SNCG: variants seen among roughly 807,000 people sequenced by gnomAD.
SNCG encodes the protein synuclein gamma.
In SNCG, 13 loss-of-function variants were observed where a neutral mutation model predicts 16.0. The observed-to-expected ratio is 0.81, with a 90% CI of 0.53 to 1.29. SNCG has a LOEUF of 1.29. Among genes scored for constraint, SNCG ranks in the 50% most tolerant of loss-of-function variants. SNCG has a pLI of 0.00. For missense variants in SNCG, 154 were observed against 168.5 expected (o/e 0.91, Z 0.48); for synonymous variants, 66 against 66.3 (o/e 1.00, Z 0.02).
rs777568467 is a variant in SNCG, at chr10:86,960,193, C to T, written c.291+65C>T. ...GCCCAGAAAGGCTGCTGGGCGGAGG[C>T]GGCATCACTCCACTCCACACCCCAG... is the stretch of plus-strand genomic sequence containing the variant. On this transcript the variant is annotated intron_variant, in intron 3 of 4. Transcript: ENST00000372017. 5.6e-5 allele frequency: 83 copies of T among 1,486,434 alleles called. No homozygotes were observed. The East Asian group carries it at 9.4e-4, about 17-fold the overall frequency. The allele number at this position is 1,486,434 out of a possible 1,614,324, so 92.1% of individuals were successfully genotyped here. A position where few individuals can be genotyped will look rare whatever the true frequency, so the allele number is the denominator to read the frequency against.
At position 86,959,765 on chromosome 10, in the gene SNCG, C is replaced by A; in HGVS notation, c.163+91C>A. On this transcript the variant is annotated intron_variant, in intron 2 of 4. Coordinates refer to ENST00000372017, the MANE Select transcript of SNCG (RefSeq NM_003087.3). This position sits in a 1 kb window ranked among gnomAD's most constrained non-coding sequence, Gnocchi z 4.3. The stretch of plus-strand genomic sequence containing the variant: ...CTGGGGCTCAAACCTAGAGTCCTGC[C>A]TTACCCCCAACTGGGGTCCCAAGCC... 7.3e-7 allele frequency: 1 copy of A among 1,367,074 alleles called. No individual in the cohort carries two copies. The highest frequency in any genetic ancestry group is 1.0e-6 in the Non-Finnish European group (1 of 1,003,724). 84.7% of individuals were successfully genotyped at this position (1,367,074 alleles called of 1,614,324 possible). A position where few individuals can be genotyped will look rare whatever the true frequency, so the allele number is the denominator to read the frequency against.
At chr10:86,960,492 A>G (rs1349654432) in intron 3 of SNCG, among the ~76,000 whole-genome samples, 8 of 152,136 alleles carry the variant, frequency 5.3e-5, no homozygotes, top group Admixed American at 3.3e-4. Context: ...AGTGGTCACC[A>G]GGCCGGGGGC....
chr10:86,958,892 A>T (rs1182709985), intron 1 of SNCG, 74 bp downstream of exon 1: 1 of 1,491,088 alleles, frequency 6.7e-7, no homozygotes, highest in Non-Finnish European at 9.1e-7. Context: ...GCCAGACCTT[A>T]CTCCCCAGCC....
intron 1 of SNCG, 54 bp downstream of exon 1, chr10:86,958,872 A>C: frequency 6.5e-7 from 1 of 1,543,246 alleles, no homozygotes; most frequent in Admixed American, 1.8e-5. Context: ...GTGAGTGCCC[A>C]GTTACCTTCG....
upstream of SNCG, among the ~76,000 whole-genome samples, chr10:86,956,004 G>C (rs1385034269): frequency 6.6e-6 from 1 of 152,130 alleles, no homozygotes; most frequent in Non-Finnish European, 1.5e-5. Context: ...AAGAGGAGCA[G>C]CTCCCTCCTC....
chr10:86,960,235 C>T lies in SNCG; in HGVS notation c.291+107C>T. The T allele has an allele frequency of 4.5e-6, 5 of 1,117,626 alleles. 1 individual carries two copies. The South Asian group carries it at 6.3e-5, about 14-fold the overall frequency. 69.2% of individuals were successfully genotyped at this position (1,117,626 alleles called of 1,614,324 possible). A position where few individuals can be genotyped will look rare whatever the true frequency, so the allele number is the denominator to read the frequency against. On this transcript the variant is annotated intron_variant, in intron 3 of 4. Coordinates refer to ENST00000372017, the MANE Select transcript of SNCG (RefSeq NM_003087.3). ...ACACCCCAGGAAACAACACGGGGGG[C>T]TGCGGCTGGCTTCAGTTTCAGTACC...
chr10:86,960,894 G>A (rs1456082192), intron 3 of SNCG, among the ~76,000 whole-genome samples: 1 of 152,162 alleles, frequency 6.6e-6, no homozygotes, highest in East Asian at 1.9e-4. Context: ...TCCATGAGAC[G>A]GTGTGGAAAC....
upstream of SNCG, chr10:86,957,796 T>C (rs1255496428): frequency 2.6e-5 from 33 of 1,292,626 alleles, no homozygotes; most frequent in Non-Finnish European, 3.0e-5. Flanking sequence ...TCTGGGAATG[T>C]GGTAGACATG....
upstream of SNCG, chr10:86,957,496 C>T: frequency 1.2e-6 from 2 of 1,613,126 alleles, no homozygotes. Flanking sequence ...CCCAGCAGCC[C>T]CCAGCCCAGG....
intron 3 of SNCG, among the ~76,000 whole-genome samples, chr10:86,960,834 G>A (rs956422119): frequency 6.6e-6 from 1 of 152,258 alleles, no homozygotes; most frequent in Non-Finnish European, 1.5e-5. Flanking sequence ...GACACAGCAA[G>A]CTCTGCTTTA....
chr10:86,959,197 C>T lies in SNCG; in HGVS notation c.121+379C>T, dbSNP rs1485565578. ...GCGGCTACAGCCAGGTCACGGATCC[C>T]CTCCCTCCCCAGAGAGAAGGGGCAG... On this transcript the variant is annotated intron_variant, in intron 1 of 4. Transcript: ENST00000372017. This position sits in a 1 kb window ranked among gnomAD's most constrained non-coding sequence, Gnocchi z 4.3. Among the ~76,000 whole-genome samples the T allele has an allele frequency of 6.6e-6, 1 of 152,134 alleles. No homozygotes were observed. The highest frequency in any genetic ancestry group is 2.4e-5 in the African/African-American group (1 of 41,432).
In SNCG at chr10:86,963,219, T is replaced by C. The variant is rs1036391035; in HGVS notation, c.*234T>C. ...ACCCCACTTATGCTGCTGTGAATTT[T>C]TTTTTTAAATGATTCCAAATAAAAC... On this transcript the variant is annotated 3_prime_UTR_variant, in exon 5 of 5. Transcript: ENST00000372017. The C allele has an allele frequency of 4.7e-6, 2 of 428,378 alleles. No individual in the cohort carries two copies. The highest frequency in any genetic ancestry group is 4.1e-5 in the African/African-American group (2 of 49,374). 26.5% of individuals were successfully genotyped at this position (428,378 alleles called of 1,614,324 possible).
At chr10:86,957,566 C>T, upstream of SNCG, 1 of 1,582,366 alleles carries the variant, frequency 6.3e-7, no homozygotes, top group Non-Finnish European at 8.6e-7. Context: ...AGGCTCAGCT[C>T]ACACTCAGCC....
intron 3 of SNCG, among the ~76,000 whole-genome samples, chr10:86,960,543 C>A (rs940888851): frequency 6.6e-6 from 1 of 152,120 alleles, no homozygotes; most frequent in Non-Finnish European, 1.5e-5. Flanking sequence ...AGCCTCCCTC[C>A]CTGGGCTGGG....
At position 86,959,592 on chromosome 10, in the gene SNCG, C is replaced by G; in HGVS notation, c.122-41C>G. ...TGTTTGTCCTGACCGCCCCCAACAC[C>G]TCGAGGGAGGTCTGGGCTGACAGCT... On this transcript the variant is annotated intron_variant, in intron 1 of 4. Transcript: ENST00000372017. The surrounding 1 kb of genome is among the most constrained non-coding windows in gnomAD (Gnocchi z 4.3). 6.2e-7 allele frequency: 1 copy of G among 1,605,694 alleles called. No individual in the cohort carries two copies. Among genetic ancestry groups the G allele is most frequent in the South Asian group, 1.1e-5 (1 of 90,866 alleles).
At chr10:86,956,443 T>A (rs1844232243), upstream of SNCG, among the ~76,000 whole-genome samples, 1 of 152,064 alleles carries the variant, frequency 6.6e-6, no homozygotes, top group Admixed American at 6.5e-5. Context: ...GGCCCCCCCC[T>A]CACTCCCTAA....
At position 86,959,904 on chromosome 10, in the gene SNCG, G is replaced by A. The variant is rs1398880485; in HGVS notation, c.164-97G>A. 1 of 1,529,068 alleles carries A rather than the reference G, an allele frequency of 6.5e-7. No individual in the cohort carries two copies. Among genetic ancestry groups the A allele is most frequent in the African/African-American group, 1.4e-5 (1 of 72,828 alleles). 94.7% of individuals were successfully genotyped at this position (1,529,068 alleles called of 1,614,324 possible). ...GCAGGGGAGGGTCCCAGCAGGGCCA[G>A]GGCTCTGAGCTCCTGGGAAGGGGCT... On this transcript the variant is annotated intron_variant, in intron 2 of 4. Transcript: ENST00000372017. The surrounding 1 kb of genome is among the most constrained non-coding windows in gnomAD (Gnocchi z 4.3).
In SNCG at chr10:86,959,879, G is replaced by A; in HGVS notation, c.164-122G>A. On this transcript the variant is annotated intron_variant, in intron 2 of 4. Transcript: ENST00000372017. This position sits in a 1 kb window ranked among gnomAD's most constrained non-coding sequence, Gnocchi z 4.3. ...CAGAGGTGCCCTGGAGTCAGAGGGA[G>A]CAGGGGAGGGTCCCAGCAGGGCCAG... The A allele has an allele frequency of 2.7e-6, 4 of 1,472,276 alleles. No homozygotes were observed. Among genetic ancestry groups the A allele is most frequent in the Non-Finnish European group, 3.7e-6 (4 of 1,091,004 alleles). 91.2% of individuals were successfully genotyped at this position (1,472,276 alleles called of 1,614,324 possible).
chr10:86,963,020 G>A lies in SNCG; in HGVS notation c.*35G>A, dbSNP rs367587822. 301 of 1,589,092 alleles carry A rather than the reference G, an allele frequency of 1.9e-4. No individual in the cohort carries two copies. The highest frequency in any genetic ancestry group is 2.3e-4 in the Admixed American group (13 of 55,936). ...GGCCAGCGTGGATGACCTGAAGAGCGCTCCTCTGCCTTGGACACCATCCCC... is the reference window on the plus strand; with the variant it reads ...GGCCAGCGTGGATGACCTGAAGAGCACTCCTCTGCCTTGGACACCATCCCC... On this transcript the variant is annotated 3_prime_UTR_variant, in exon 5 of 5. Coordinates refer to ENST00000372017, the MANE Select transcript of SNCG (RefSeq NM_003087.3).
Sources: gnomAD v4.1 joint callset for allele counts (sites outside exome capture counted in the v4.1 genomes callset) on GRCh38, gnomAD v4.1.1 for gene constraint, Gnocchi (gnomAD v3.1) non-coding constraint, MANE v1.5 for transcripts, NCBI Gene and HGNC (gene_info 2026-07-23, HGNC 2026-07-21) for gene names.